DLG2: variants seen among roughly 807,000 people sequenced by gnomAD.
DLG2 encodes disks large homolog 2.
In DLG2, 45 loss-of-function variants were observed where a neutral mutation model predicts 132.5. That is an observed-to-expected ratio of 0.34 (90% CI 0.27 to 0.44). The LOEUF (loss-of-function observed/expected upper bound fraction) is 0.44, where lower values mean the gene tolerates loss of function less well. DLG2 is among the 20% of genes least tolerant of loss of function. The probability of loss-of-function intolerance (pLI) is 1.00; values close to 1 mark genes in which losing one functional copy is unlikely to be tolerated. For missense variants in DLG2, 1,045 were observed against 1,196.9 expected (o/e 0.87, Z 1.87); for synonymous variants, 424 against 419.6 (o/e 1.01, Z -0.13).
At chr11:84,744,141 T>C (rs76000016) in intron 6 of DLG2, among the ~76,000 whole-genome samples, 2,401 of 152,248 alleles carry the variant, frequency 0.016, 34 homozygotes, top group African/African-American at 0.034. Context: ...TGTTTTGTCA[T>C]TGTATATATA....
intron 3 of DLG2, among the ~76,000 whole-genome samples, chr11:85,479,494 C>G (rs767953616): frequency 6.6e-6 from 1 of 152,180 alleles, no homozygotes; most frequent in Non-Finnish European, 1.5e-5. Context: ...AACATTAAGT[C>G]TATAACAGTA....
chr11:84,976,993 G>C (rs530930807), intron 6 of DLG2, among the ~76,000 whole-genome samples: 1 of 152,016 alleles, frequency 6.6e-6, no homozygotes. Flanking sequence ...TCTACAAACC[G>C]GTTACAATGT....
intron 6 of DLG2, among the ~76,000 whole-genome samples, chr11:85,030,380 G>C (rs1162318498): frequency 2.0e-5 from 3 of 152,104 alleles, no homozygotes; most frequent in Admixed American, 1.3e-4. Context: ...TCTTGGAATT[G>C]CTTTTTCTAT....
intron 6 of DLG2, among the ~76,000 whole-genome samples, chr11:85,047,607 C>T (rs879914827): frequency 6.6e-6 from 1 of 151,632 alleles, no homozygotes; most frequent in Admixed American, 6.6e-5. Context: ...TTCTCATCTG[C>T]AAGATGGGAA....
intron 6 of DLG2, among the ~76,000 whole-genome samples, chr11:84,802,343 G>T (rs1306801289): frequency 1.3e-5 from 2 of 151,968 alleles, no homozygotes; most frequent in African/African-American, 4.8e-5. Context: ...AATTAACAAG[G>T]AATAATGAAG....
At position 84,757,885 on chromosome 11, in the gene DLG2, G is replaced by C. The variant is rs369220714; in HGVS notation, c.358-223154C>G. The stretch of plus-strand genomic sequence containing the variant: ...ATCACCTGGTAAAGTCGGCAAACCT[G>C]TGAAGTCTCAGCCAAAAAGGCATGC... On this transcript the variant is annotated intron_variant, in intron 6 of 27. Transcript: ENST00000376104. 2.5e-3 allele frequency among the ~76,000 whole-genome samples: 386 copies of C among 152,248 alleles called. 3 individuals carry two copies. Among genetic ancestry groups the C allele is most frequent in the Non-Finnish European group, 4.3e-3 (292 of 68,024 alleles).
At chr11:84,386,573 T>G (rs12282279) in intron 7 of DLG2, among the ~76,000 whole-genome samples, 34,750 of 152,018 alleles carry the variant, frequency 0.23, 5,620 homozygotes, top group African/African-American at 0.45. Context: ...ATAACAATAT[T>G]TTCTACATTT....
At chr11:85,431,077 T>A in intron 3 of DLG2, among the ~76,000 whole-genome samples, 1 of 152,184 alleles carries the variant, frequency 6.6e-6, no homozygotes, top group East Asian at 1.9e-4. Flanking sequence ...ATGTATAGAA[T>A]GCTTCTGTCA....
At chr11:84,248,684 G>A (rs1236786118) in intron 8 of DLG2, among the ~76,000 whole-genome samples, 2 of 151,942 alleles carry the variant, frequency 1.3e-5, no homozygotes, top group South Asian at 2.1e-4. Context: ...GCAAAAACTC[G>A]TCTCTACTAA....
intron 3 of DLG2, among the ~76,000 whole-genome samples, chr11:85,393,509 C>A (rs746152996): frequency 6.6e-6 from 1 of 152,018 alleles, no homozygotes; most frequent in Non-Finnish European, 1.5e-5. Flanking sequence ...GAAAAAGACA[C>A]CTGCACACAC....
At chr11:83,922,147 C>T (rs1035084007) in intron 15 of DLG2, among the ~76,000 whole-genome samples, 10 of 152,012 alleles carry the variant, frequency 6.6e-5, no homozygotes, top group Non-Finnish European at 1.3e-4. Flanking sequence ...AATATCTTCC[C>T]GCTAGTATCA....
chr11:83,869,991 A>T (rs186788249), intron 16 of DLG2, among the ~76,000 whole-genome samples: 1 of 152,302 alleles, frequency 6.6e-6, no homozygotes, highest in East Asian at 1.9e-4. Flanking sequence ...AAATGCTTCT[A>T]GGTTTTTGCA....
intron 18 of DLG2, among the ~76,000 whole-genome samples, chr11:83,718,532 G>GAAAAAAAAA (rs57237354): frequency 1.1e-4 from 12 of 106,262 alleles, no homozygotes; most frequent in East Asian, 2.9e-4. Context: ...CTCAAAAAAA[G>GAAAAAAAAA]AAAAAAAAAA....
At chr11:84,412,721 C>A (rs2098913408) in intron 7 of DLG2, among the ~76,000 whole-genome samples, 1 of 152,188 alleles carries the variant, frequency 6.6e-6, no homozygotes, top group Non-Finnish European at 1.5e-5. Flanking sequence ...TAAGCACCTG[C>A]CTTAAGGCTC....
intron 20 of DLG2, among the ~76,000 whole-genome samples, chr11:83,538,947 T>C (rs2095977538): frequency 6.6e-6 from 1 of 152,222 alleles, no homozygotes; most frequent in African/African-American, 2.4e-5. Flanking sequence ...AGATTTCATA[T>C]GTCTTAAGTG....
intron 22 of DLG2, among the ~76,000 whole-genome samples, chr11:83,473,605 T>C (rs1269640623): frequency 6.6e-6 from 1 of 150,794 alleles, no homozygotes; most frequent in African/African-American, 2.4e-5. Flanking sequence ...AGTGTCTGCA[T>C]TTTTTTTTGC....
intron 10 of DLG2, among the ~76,000 whole-genome samples, chr11:84,089,756 G>T (rs2097057901): frequency 1.3e-5 from 2 of 152,188 alleles, no homozygotes; most frequent in African/African-American, 4.8e-5. Flanking sequence ...TCTTGTCTGG[G>T]AGTAGAAATG....
At chr11:85,621,077 T>C (rs953159704) in intron 2 of DLG2, among the ~76,000 whole-genome samples, 3 of 152,156 alleles carry the variant, frequency 2.0e-5, no homozygotes, top group Non-Finnish European at 4.4e-5. Context: ...CTTCCAAAAA[T>C]CCTAGGGTCT....
intron 17 of DLG2, among the ~76,000 whole-genome samples, chr11:83,808,383 G>A (rs187937479): frequency 1.1e-4 from 16 of 152,262 alleles, no homozygotes; most frequent in African/African-American, 3.8e-4. Context: ...GTGAGAGGCT[G>A]GCTGCAGGTT....
Sources: allele counts gnomAD v4.1 joint callset (sites outside exome capture counted in the v4.1 genomes callset), GRCh38; gene constraint gnomAD v4.1.1; transcripts MANE v1.5; gene names NCBI Gene and HGNC (gene_info 2026-07-23, HGNC 2026-07-21).